The following PLCXD1 variants were observed in gnomAD, a reference collection of about 807,000 sequenced individuals.
The protein encoded by PLCXD1 is phosphatidylinositol specific phospholipase C X domain containing 1, also known as PI-PLC X domain-containing protein 1.
Under a neutral mutation model 37.8 loss-of-function variants are expected in PLCXD1, and 45 were observed. The observed-to-expected ratio is 1.19, with a 90% CI of 0.94 to 1.53. The LOEUF (loss-of-function observed/expected upper bound fraction) is 1.53. Among genes scored for constraint, PLCXD1 ranks in the 40% most tolerant of loss-of-function variants. The pLI is 0.00. For missense variants in PLCXD1, 539 were observed against 454.7 expected, an observed-to-expected ratio of 1.19 and a Z score of -1.69; for synonymous variants, 246 against 206.9, an observed-to-expected ratio of 1.19 and a Z score of -1.62.
chrX:288,669 G>A (rs1366173496), intron 2 of PLCXD1, 64 bp from the exon 3 acceptor site: 64 of 1,573,640 alleles, frequency 4.1e-5, no homozygotes, highest in African/African-American at 1.2e-4. Flanking sequence ...GCTGTGGAGC[G>A]ACTCACAGCA....
intron 6 of PLCXD1, among the ~76,000 whole-genome samples, chrX:296,857 A>G (rs2069826759): frequency 6.7e-6 from 1 of 149,910 alleles, no homozygotes; most frequent in Non-Finnish European, 1.5e-5. Context: ...GGACGTGGAC[A>G]TCTTTGGGGA....
At chrX:293,901 CAG>C (rs1381552889) in intron 6 of PLCXD1, among the ~76,000 whole-genome samples, 17 of 152,340 alleles carry the variant, frequency 1.1e-4, no homozygotes, top group African/African-American at 4.1e-4. Flanking sequence ...TTCATGGAAA[CAG>C]GGTCTCTCCT....
rs2070054546 is a variant in PLCXD1 at position 302,680 on chromosome X, TCTC to T, written c.*3348_*3350del. The T allele has an allele frequency of 6.6e-6, 1 of 152,122 alleles. No homozygotes were observed. The highest frequency in any genetic ancestry group is 6.6e-5 in the Admixed American group (1 of 15,230). The allele number at this position is 152,122 out of a possible 1,614,324, so 9.4% of individuals were successfully genotyped here. A position where few individuals can be genotyped will look rare whatever the true frequency, so the allele number is the denominator to read the frequency against. ...CTCCACCTCCCGGGTTCCAGCAAATTCTCCTGCCTCAGCCTCCCAAGTAGCTGG... is the reference window on the plus strand; with the variant it reads ...CTCCACCTCCCGGGTTCCAGCAAATTCTGCCTCAGCCTCCCAAGTAGCTGG... On this transcript the variant is annotated 3_prime_UTR_variant, in exon 7 of 7. Transcript: ENST00000381657.
intron 6 of PLCXD1, among the ~76,000 whole-genome samples, 155 bp from the exon 7 acceptor site, chrX:298,942 G>T (rs746457134): frequency 6.6e-6 from 1 of 152,194 alleles, no homozygotes; most frequent in South Asian, 2.1e-4. Context: ...TGCCCACCAC[G>T]CTTTATAAGC....
In PLCXD1 at chrX:299,328, G is replaced by A. The variant is rs1481782385; in HGVS notation, c.965G>A (p.Trp322Ter). 1.2e-6 allele frequency: 2 copies of A among 1,610,244 alleles called. No homozygotes were observed. Among genetic ancestry groups the A allele is most frequent in the African/African-American group, 1.3e-5 (1 of 74,950 alleles). ...DVIALNQKLL[W>*]C ...ATCGCGCTCAATCAGAAGCTGCTGTGGTGCTGACGGGACCCTTCTGAAGTT... is the reference window on the plus strand; with the variant it reads ...ATCGCGCTCAATCAGAAGCTGCTGTAGTGCTGACGGGACCCTTCTGAAGTT... The change falls in exon 7 of 7, where the codon TGG (tryptophan) becomes TAG (stop). Residue 322 changes from tryptophan to a stop codon, truncating the protein, a stop_gained. Coordinates refer to ENST00000381657, the MANE Select transcript of PLCXD1 (RefSeq NM_018390.4). LOFTEE classifies it high-confidence loss of function.
rs2070058919 is a variant in PLCXD1, at chrX:302,800, C to G, written c.*3465C>G. 1 of 152,164 alleles carries G rather than the reference C, an allele frequency of 6.6e-6. No individual in the cohort carries two copies. The highest frequency in any genetic ancestry group is 2.1e-4 in the South Asian group (1 of 4,830). 9.4% of individuals were successfully genotyped at this position (152,164 alleles called of 1,614,324 possible). A position where few individuals can be genotyped will look rare whatever the true frequency, so the allele number is the denominator to read the frequency against. ...TGTTGGCCAGGCTGGTCTCGATCTC[C>G]TGACCTCAGGTGATCCACCCGCCTC... is the stretch of plus-strand genomic sequence containing the variant. On this transcript the variant is annotated 3_prime_UTR_variant, in exon 7 of 7. Transcript: ENST00000381657.
chrX:285,290 G>T (rs1455368846), intron 2 of PLCXD1, among the ~76,000 whole-genome samples: 6 of 152,042 alleles, frequency 3.9e-5, no homozygotes, highest in Middle Eastern at 3.4e-3. Flanking sequence ...ATACACACAT[G>T]GATGCACATA....
At chrX:293,276 G>A in intron 6 of PLCXD1, 58 bp downstream of exon 6, 1 of 1,363,444 alleles carries the variant, frequency 7.3e-7, no homozygotes, top group East Asian at 2.3e-5. Context: ...ACGCCCTGCG[G>A]CAGGCCGGGT....
At chrX:281,904 C>T (rs1366805272) in intron 1 of PLCXD1, among the ~76,000 whole-genome samples, 2 of 152,072 alleles carry the variant, frequency 1.3e-5, no homozygotes, top group East Asian at 3.9e-4. Flanking sequence ...TGCGCCACCA[C>T]GGCCGGCTAC....
intron 2 of PLCXD1, among the ~76,000 whole-genome samples, chrX:285,107 TACACACACACATGCATGC>T (rs1371052130): frequency 7.4e-6 from 1 of 134,636 alleles, no homozygotes. Context: ...GACACATACA[TACACACACACATGCATGC>T]GCACACACAT....
At position 288,884 on chromosome X, in the gene PLCXD1, C is replaced by G; in HGVS notation, c.264+15C>G. ...CCGTCACCCAGGTACGGTCTGTGCC[C>G]CGTGCTGCTGACCTGGCCTGTCAGC... On this transcript the variant is annotated intron_variant, in intron 3 of 6. Transcript: ENST00000381657. 1 of 1,611,234 alleles carries G rather than the reference C, an allele frequency of 6.2e-7. No homozygotes were observed. The highest frequency in any genetic ancestry group is 8.5e-7 in the Non-Finnish European group (1 of 1,178,992).
At chrX:293,566 C>T (rs1160619978) in intron 6 of PLCXD1, among the ~76,000 whole-genome samples, 4 of 152,060 alleles carry the variant, frequency 2.6e-5, no homozygotes, top group Non-Finnish European at 5.9e-5. Flanking sequence ...TCGAGACCGG[C>T]CTGACCAATG....
intron 2 of PLCXD1, 119 bp from the exon 3 acceptor site, chrX:288,614 C>A: frequency 4.6e-6 from 5 of 1,088,574 alleles, no homozygotes; most frequent in South Asian, 4.0e-5. Context: ...TCCCGCCATA[C>A]CTGTGCCTGT....
At chrX:292,447 A>G (rs7877999) in intron 5 of PLCXD1, among the ~76,000 whole-genome samples, 80,812 of 151,084 alleles carry the variant, frequency 0.53, 21,800 homozygotes, top group Middle Eastern at 0.68. Context: ...AGACAGAGCG[A>G]GATCCGTCTC....
chrX:299,168 C>T lies in PLCXD1; in HGVS notation c.805C>T (p.Leu269=), dbSNP rs759488810. ...CGTTCTGGCGCACCCGTCCGAGTCC[C>T]TGGAGAAGATGACGCTGCCCAACCT... The part of the protein sequence containing the change: ...QYVLAHPSES[L]EKMTLPNLPR... The change falls in exon 7 of 7, where the codon CTG becomes TTG. Residue 269 remains leucine, a synonymous_variant. Coordinates refer to ENST00000381657, the MANE Select transcript of PLCXD1 (RefSeq NM_018390.4). The T allele has an allele frequency of 1.2e-6, 2 of 1,613,932 alleles. No individual in the cohort carries two copies. The highest frequency in any genetic ancestry group is 2.2e-5 in the South Asian group (2 of 91,070).
rs913668280 is a variant in PLCXD1, at chrX:299,697, C to T, written c.*362C>T. On this transcript the variant is annotated 3_prime_UTR_variant, in exon 7 of 7. Coordinates refer to ENST00000381657, the MANE Select transcript of PLCXD1 (RefSeq NM_018390.4). ...GCTTGAAGCCGGGAGATGGAGGTTGCATTGAGCTGACATCGTGCCACTGCA... is the reference window on the plus strand; with the variant it reads ...GCTTGAAGCCGGGAGATGGAGGTTGTATTGAGCTGACATCGTGCCACTGCA... The T allele has an allele frequency of 5.2e-5, 19 of 366,248 alleles. No homozygotes were observed. The highest frequency in any genetic ancestry group is 9.6e-5 in the Non-Finnish European group (19 of 197,914). The allele number at this position is 366,248 out of a possible 1,614,324, so 22.7% of individuals were successfully genotyped here.
chrX:279,496 G>T (rs2069217333), upstream of PLCXD1, among the ~76,000 whole-genome samples: 1 of 152,198 alleles, frequency 6.6e-6, no homozygotes, highest in African/African-American at 2.4e-5. Context: ...ATTAGGCCGG[G>T]CACGGTGGCT....
rs758660203 is a variant in PLCXD1 at position 290,684 on chromosome X, C to T, written c.301C>T (p.Arg101Trp). 1.2e-5 allele frequency: 20 copies of T among 1,613,502 alleles called. No individual in the cohort carries two copies. Among genetic ancestry groups the T allele is most frequent in the Middle Eastern group, 1.6e-4 (1 of 6,066 alleles). The change falls in exon 4 of 7, where the codon CGG becomes TGG. Residue 101 changes from arginine (R) to tryptophan (W), a missense_variant. Physicochemically the swap from Arg to Trp is moderately radical, Grantham distance 101 (BLOSUM62 -3). Coordinates refer to ENST00000381657, the MANE Select transcript of PLCXD1 (RefSeq NM_018390.4). ...DVTEQLDAGV[R>W]YLDLRIAHML... ...CACAGAGCAGCTGGATGCCGGGGTG[C>T]GGTACCTGGACCTGCGGATAGCCCA...
At chrX:283,523 A>T (rs2069341442) in intron 1 of PLCXD1, 1 of 93,808 alleles carries the variant, frequency 1.1e-5, no homozygotes. Flanking sequence ...GCCTGAGGGT[A>T]GTGGGGGCGG....
Sources: gnomAD v4.1 joint callset for allele counts (sites outside exome capture counted in the v4.1 genomes callset) on GRCh38, gnomAD v4.1.1 for gene constraint, MANE v1.5 for transcripts, NCBI Gene and HGNC (gene_info 2026-07-23, HGNC 2026-07-21) for gene names.